The following MMP7 variants were observed in gnomAD, a reference collection of about 807,000 sequenced individuals.
MMP7 encodes the protein matrix metallopeptidase 7.
A neutral mutation model predicts 31.5 loss-of-function variants in MMP7; 26 were observed. The observed-to-expected ratio is 0.83, with a 90% CI of 0.61 to 1.15. MMP7 has a LOEUF of 1.15. MMP7 is among the 50% of genes most tolerant of loss of function. MMP7 has a pLI of 0.00. For missense variants in MMP7, 367 were observed against 326.5 expected (o/e 1.12, Z -0.96); for synonymous variants, 142 against 124.2 (o/e 1.14, Z -0.95).
At chr11:102,524,163 A>G (rs1858643485) in intron 4 of MMP7, 1 of 152,228 alleles carries the variant, frequency 6.6e-6, no homozygotes, top group South Asian at 2.1e-4. Context: ...AGAAGAATGA[A>G]AAGAATATGC....
intron 5 of MMP7, among the ~76,000 whole-genome samples, chr11:102,522,527 G>A (rs1032630843): frequency 6.6e-6 from 1 of 152,198 alleles, no homozygotes; most frequent in Non-Finnish European, 1.5e-5. Flanking sequence ...CATGGCTCAA[G>A]CACTCGACAG....
At chr11:102,523,195 A>G in intron 5 of MMP7, 45 bp downstream of exon 5, 3 of 1,491,572 alleles carry the variant, frequency 2.0e-6, no homozygotes, top group Non-Finnish European at 2.7e-6. Flanking sequence ...ACCCCACTCT[A>G]AAAAGAAAAT....
At position 102,520,816 on chromosome 11, in the gene MMP7, A is replaced by C; in HGVS notation, c.776-12T>G. 1 of 1,533,532 alleles carries C rather than the reference A, an allele frequency of 6.5e-7. No individual in the cohort carries two copies. The highest frequency in any genetic ancestry group is 2.2e-5 in the East Asian group (1 of 44,528). The allele number at this position is 1,533,532 out of a possible 1,614,324, so 95.0% of individuals were successfully genotyped here. On this transcript the variant is annotated splice_polypyrimidine_tract_variant and intron_variant, in intron 5 of 5. Coordinates refer to ENST00000260227, the MANE Select transcript of MMP7 (RefSeq NM_002423.5). Reference sequence around the variant, plus strand: ...ATTACTTCTCTTTCCTATTGAGAGAAAAAAAAAGAACATTCTGATATGTAG... The same window carrying C: ...ATTACTTCTCTTTCCTATTGAGAGACAAAAAAAGAACATTCTGATATGTAG...
At position 102,524,608 on chromosome 11, in the gene MMP7, C is replaced by T. The variant is rs148885240; in HGVS notation, c.613+328G>A. 2.6e-3 allele frequency: 435 copies of T among 164,788 alleles called. 3 individuals are homozygous for T. Among genetic ancestry groups the T allele is most frequent in the African/African-American group, 9.6e-3 (405 of 41,970 alleles). 10.2% of individuals were successfully genotyped at this position (164,788 alleles called of 1,614,324 possible). On this transcript the variant is annotated intron_variant, in intron 4 of 5. Transcript: ENST00000260227. Reference sequence around the variant, plus strand: ...ATTATCTCATTTAATTTAAAGACTCCTTGATGTGGGAACTATTTATATTTC... The same window carrying T: ...ATTATCTCATTTAATTTAAAGACTCTTTGATGTGGGAACTATTTATATTTC...
chr11:102,522,477 C>T (rs1169144607), intron 5 of MMP7, among the ~76,000 whole-genome samples: 3 of 152,104 alleles, frequency 2.0e-5, no homozygotes, highest in East Asian at 1.9e-4. Flanking sequence ...AGGAATATGT[C>T]GTAGAAAAAG....
At chr11:102,526,693 G>A (rs1480135214) in intron 3 of MMP7, among the ~76,000 whole-genome samples, 1 of 152,082 alleles carries the variant, frequency 6.6e-6, no homozygotes, top group Non-Finnish European at 1.5e-5. Context: ...ATCGATGTTA[G>A]GTAGATATAT....
chr11:102,528,003 T>A lies in MMP7; in HGVS notation c.109-20A>T. 2 of 1,534,316 alleles carry A rather than the reference T, an allele frequency of 1.3e-6. No homozygotes were observed. The highest frequency in any genetic ancestry group is 9.0e-7 in the Non-Finnish European group (1 of 1,114,688). On this transcript the variant is annotated intron_variant, in intron 1 of 5. Transcript: ENST00000260227. ...ATAGTCCTATTGAAAAGAGAGTAAT[T>A]AATCTATAGTTCTTGTTTATTATAT...
intron 4 of MMP7, 96 bp from the exon 5 acceptor site, chr11:102,523,497 A>C: frequency 1.9e-6 from 2 of 1,054,754 alleles, no homozygotes; most frequent in Non-Finnish European, 2.5e-6. Context: ...AAAACTAAAG[A>C]AAAATACCCA....
chr11:102,523,217 T>C (rs761762504), intron 5 of MMP7, 23 bp downstream of exon 5: 3 of 1,549,878 alleles, frequency 1.9e-6, no homozygotes, highest in Non-Finnish European at 1.8e-6. Context: ...GGAAATCCTC[T>C]TATTTGAAAT....
intron 1 of MMP7, 33 bp downstream of exon 1, chr11:102,530,560 A>G: frequency 6.5e-7 from 1 of 1,541,262 alleles, no homozygotes; most frequent in Non-Finnish European, 9.0e-7. Context: ...ATGGCAAAAG[A>G]ATGGAACCCT....
chr11:102,524,133 C>T (rs1591592071), intron 4 of MMP7: 1 of 152,136 alleles, frequency 6.6e-6, no homozygotes, highest in African/African-American at 2.4e-5. Context: ...CTGCCTTTAA[C>T]CTACCTTAAG....
At chr11:102,523,169 C>A in intron 5 of MMP7, 71 bp downstream of exon 5, 3 of 1,268,856 alleles carry the variant, frequency 2.4e-6, no homozygotes, top group Non-Finnish European at 2.2e-6. Flanking sequence ...ACCCATTTCC[C>A]AGCCTTTCTT....
intron 1 of MMP7, among the ~76,000 whole-genome samples, chr11:102,530,381 GA>G (rs1259740194): frequency 6.6e-6 from 1 of 152,168 alleles, no homozygotes; most frequent in Non-Finnish European, 1.5e-5. Context: ...ATAGTGAGTG[GA>G]GGGTTGGAAC....
At chr11:102,529,061 T>C (rs752433161) in intron 1 of MMP7, among the ~76,000 whole-genome samples, 3 of 152,206 alleles carry the variant, frequency 2.0e-5, no homozygotes, top group Non-Finnish European at 4.4e-5. Flanking sequence ...TAGAAACATG[T>C]GTAGGGTTAT....
At chr11:102,530,570 T>C (rs2135907133) in intron 1 of MMP7, 23 bp downstream of exon 1, 1 of 1,575,156 alleles carries the variant, frequency 6.3e-7, no homozygotes, top group African/African-American at 1.3e-5. Context: ...AATGGAACCC[T>C]AAGTAAGTGG....
Position 102,525,037 on chromosome 11 carries a change from C to T in MMP7, c.512G>A (p.Gly171Glu), listed in dbSNP as rs561974984. 12 of 1,612,690 alleles carry T rather than the reference C, an allele frequency of 7.4e-6. No homozygotes were observed. The highest frequency in any genetic ancestry group is 1.0e-5 in the Non-Finnish European group (12 of 1,179,506). ...GAHGDSYPFD[G>E]PGNTLAHAFA... ...GGCATGAGCCAGCGTGTTTCCTGGC[C>T]CATCAAATGGGTAGGAGTCCCCATG... is the stretch of plus-strand genomic sequence containing the variant. The change falls in exon 4 of 6, where the codon GGG becomes GAG. Residue 171 changes from glycine to glutamate, a missense_variant. By Grantham distance (98) the Gly-to-Glu change is moderately conservative. Coordinates refer to ENST00000260227, the MANE Select transcript of MMP7 (RefSeq NM_002423.5).
intron 1 of MMP7, 67 bp downstream of exon 1, chr11:102,530,526 T>G: frequency 7.6e-7 from 1 of 1,310,422 alleles, no homozygotes; most frequent in Non-Finnish European, 1.1e-6. Flanking sequence ...GGGAAATAAT[T>G]GAAAAACACA....
intron 3 of MMP7, among the ~76,000 whole-genome samples, chr11:102,526,812 T>G (rs1296668690): frequency 1.3e-5 from 2 of 152,202 alleles, no homozygotes; most frequent in Non-Finnish European, 2.9e-5. Context: ...AGCCTAGTGA[T>G]ATAGTAGTTG....
chr11:102,523,115 A>G (rs17885007), intron 5 of MMP7, 125 bp downstream of exon 5: 6 of 649,502 alleles, frequency 9.2e-6, no homozygotes, highest in Middle Eastern at 8.9e-4. Flanking sequence ...CCTCCCCTCA[A>G]TAGGCTTTTT....
Sources: allele counts gnomAD v4.1 joint callset (sites outside exome capture counted in the v4.1 genomes callset), GRCh38; gene constraint gnomAD v4.1.1; transcripts MANE v1.5; gene names NCBI Gene and HGNC (gene_info 2026-07-23, HGNC 2026-07-21).